FLT3: variants seen among roughly 807,000 people sequenced by gnomAD.
FLT3 encodes the protein receptor-type tyrosine-protein kinase FLT3.
FLT3 carries 46 observed loss-of-function variants against 126.6 expected under a neutral mutation model. That is an observed-to-expected ratio of 0.36 (90% CI 0.29 to 0.46). The LOEUF is 0.46. Among genes scored for constraint, FLT3 ranks in the 20% least tolerant of loss-of-function variants. The pLI, the probability that FLT3 is intolerant of heterozygous loss-of-function variation, is 1.00. For synonymous variants in FLT3, 404 were observed against 434.4 expected, an observed-to-expected ratio of 0.93 and a Z score of 0.87; for missense variants, 1,069 against 1,190.3, an observed-to-expected ratio of 0.90 and a Z score of 1.50.
chr13:28,057,619 C>T (rs1876125904), intron 3 of FLT3, among the ~76,000 whole-genome samples, 157 bp from the exon 4 acceptor site: 1 of 152,226 alleles, frequency 6.6e-6, no homozygotes, highest in African/African-American at 2.4e-5. Context: ...GTGCCCAGCA[C>T]TCAGCCTGGG....
At chr13:28,091,502 T>G (rs532513088) in intron 1 of FLT3, among the ~76,000 whole-genome samples, 2 of 151,838 alleles carry the variant, frequency 1.3e-5, no homozygotes, top group East Asian at 3.9e-4. Flanking sequence ...ATTACAGGCG[T>G]GAGCCACCGC....
chr13:28,099,927 G>C (rs1406866097), intron 1 of FLT3, among the ~76,000 whole-genome samples: 4 of 152,152 alleles, frequency 2.6e-5, no homozygotes, highest in South Asian at 2.1e-4. Context: ...GGCGGGGCTG[G>C]GGGGTATCGT....
At chr13:28,027,351 G>T in intron 16 of FLT3, 110 bp from the exon 17 acceptor site, 1 of 766,764 alleles carries the variant, frequency 1.3e-6, no homozygotes, top group East Asian at 2.8e-5. Flanking sequence ...CTGCTGACTT[G>T]GGGACAGTAC....
chr13:28,080,035 T>C (rs1019165128), intron 1 of FLT3, among the ~76,000 whole-genome samples: 2 of 152,106 alleles, frequency 1.3e-5, no homozygotes, highest in African/African-American at 2.4e-5. Flanking sequence ...ACTCACGAGG[T>C]ATCCACCCCC....
At chr13:28,039,746 C>A (rs988212528) in intron 9 of FLT3, among the ~76,000 whole-genome samples, 2 of 152,074 alleles carry the variant, frequency 1.3e-5, no homozygotes, top group Non-Finnish European at 2.9e-5. Context: ...ACAGGGTTCA[C>A]CATGTTGGCC....
intron 23 of FLT3, among the ~76,000 whole-genome samples, chr13:28,011,501 G>C (rs1033505242): frequency 1.5e-5 from 2 of 133,070 alleles, no homozygotes; most frequent in African/African-American, 6.8e-5. Flanking sequence ...TGTGTGGGTT[G>C]TGCCTTGCAC....
In FLT3 at chr13:28,091,261, G is replaced by A. The variant is rs58666235; in HGVS notation, c.43+9207C>T. ...TTTTGAGACGGAGTCTCGCTCTGTC[G>A]CCCAGGCTGGAGTGCAGTGGCGCGA... On this transcript the variant is annotated intron_variant, in intron 1 of 23. Coordinates refer to ENST00000241453, the MANE Select transcript of FLT3 (RefSeq NM_004119.3). Among the ~76,000 whole-genome samples, 213 of 106,360 alleles carry A rather than the reference G, an allele frequency of 2.0e-3. 1 individual carries two copies. The Middle Eastern group carries it at 0.028, about 14-fold the overall frequency. The allele number at this position is 106,360 out of a possible 152,430, so 69.8% of individuals were successfully genotyped here. A position where few individuals can be genotyped will look rare whatever the true frequency, so the allele number is the denominator to read the frequency against.
In FLT3 at chr13:28,003,781, T is replaced by G. The variant is rs887402589; in HGVS notation, c.*271A>C. ...ATATACTGTACTTCAGGTACACAATTCACTCAAGCCAGCCTGAGAAGGCCT... is the reference window on the plus strand; with the variant it reads ...ATATACTGTACTTCAGGTACACAATGCACTCAAGCCAGCCTGAGAAGGCCT... On this transcript the variant is annotated 3_prime_UTR_variant, in exon 24 of 24. Coordinates refer to ENST00000241453, the MANE Select transcript of FLT3 (RefSeq NM_004119.3). 4.1e-5 allele frequency: 19 copies of G among 459,234 alleles called. No individual in the cohort carries two copies. Among genetic ancestry groups the G allele is most frequent in the Non-Finnish European group, 6.3e-5 (16 of 254,382 alleles). The allele number at this position is 459,234 out of a possible 1,614,324, so 28.4% of individuals were successfully genotyped here.
intron 2 of FLT3, among the ~76,000 whole-genome samples, chr13:28,066,799 T>C (rs1566094102): frequency 1.3e-5 from 2 of 152,142 alleles, no homozygotes; most frequent in Admixed American, 1.3e-4. Context: ...GTAGGCAAGA[T>C]CCACCAATGG....
At chr13:28,030,250 C>T (rs1873199695) in intron 15 of FLT3, among the ~76,000 whole-genome samples, 1 of 152,128 alleles carries the variant, frequency 6.6e-6, no homozygotes, top group Admixed American at 6.6e-5. Context: ...GGCACTGGGA[C>T]CCCCTAATAC....
rs549005885 is a variant in FLT3, at chr13:28,020,017, G to A, written c.2419-1428C>T. ...CATTTCTCTTGAGCTTCAGACAGGAGAAGTGTCCAAGTGTCTGCTAGACCA... is the reference window on the plus strand; with the variant it reads ...CATTTCTCTTGAGCTTCAGACAGGAAAAGTGTCCAAGTGTCTGCTAGACCA... On this transcript the variant is annotated intron_variant, in intron 19 of 23. Transcript: ENST00000241453. 2.0e-5 allele frequency among the ~76,000 whole-genome samples: 3 copies of A among 152,286 alleles called. 1 individual carries two copies. The South Asian group carries it at 6.2e-4, about 32-fold the overall frequency.
At chr13:28,068,176 G>C (rs1486508634) in intron 2 of FLT3, 1 of 152,998 alleles carries the variant, frequency 6.5e-6, no homozygotes, top group Non-Finnish European at 1.5e-5. Context: ...TTGGTAAGGA[G>C]AGATAATTTT....
chr13:28,012,582 C>T (rs1322548227), intron 23 of FLT3, among the ~76,000 whole-genome samples: 2 of 152,164 alleles, frequency 1.3e-5, no homozygotes, highest in African/African-American at 2.4e-5. Context: ...TCAGTCCTCA[C>T]ATCCAGCTCA....
intron 1 of FLT3, among the ~76,000 whole-genome samples, chr13:28,092,841 A>T (rs977335325): frequency 1.3e-5 from 2 of 151,848 alleles, no homozygotes; most frequent in African/African-American, 2.4e-5. Context: ...CAAAAAAAAA[A>T]AAAGCATGCT....
intron 20 of FLT3, 148 bp downstream of exon 20, chr13:28,018,319 C>T: frequency 1.2e-6 from 1 of 823,526 alleles, no homozygotes; most frequent in Non-Finnish European, 1.9e-6. Context: ...GCAGAAAAAC[C>T]TTTTAAGCAT....
intron 2 of FLT3, among the ~76,000 whole-genome samples, chr13:28,068,898 T>G (rs1216436034): frequency 6.6e-6 from 1 of 152,160 alleles, no homozygotes; most frequent in African/African-American, 2.4e-5. Context: ...TTTTCAGTTC[T>G]CCATCACTTA....
chr13:28,065,561 G>C (rs1219111826), intron 2 of FLT3, among the ~76,000 whole-genome samples: 1 of 151,980 alleles, frequency 6.6e-6, no homozygotes, highest in Non-Finnish European at 1.5e-5. Context: ...AGGATTGCTT[G>C]AGCCTAGGAG....
chr13:28,070,142 T>G (rs369554418), intron 2 of FLT3, among the ~76,000 whole-genome samples: 5 of 152,168 alleles, frequency 3.3e-5, no homozygotes, highest in African/African-American at 1.2e-4. Flanking sequence ...ATAGGTTACA[T>G]GCAAATACCA....
At chr13:28,039,406 T>C (rs1391169486) in intron 9 of FLT3, among the ~76,000 whole-genome samples, 2 of 152,072 alleles carry the variant, frequency 1.3e-5, no homozygotes, top group African/African-American at 4.8e-5. Flanking sequence ...TTTCACCATG[T>C]TGGCCAGGAT....
Sources: gnomAD v4.1 joint callset for allele counts (sites outside exome capture counted in the v4.1 genomes callset) on GRCh38, gnomAD v4.1.1 for gene constraint, MANE v1.5 for transcripts, NCBI Gene and HGNC (gene_info 2026-07-23, HGNC 2026-07-21) for gene names.